LPP: variants seen among roughly 807,000 people sequenced by gnomAD.
LPP encodes the protein LIM domain containing preferred translocation partner in lipoma.
A neutral mutation model predicts 60.4 loss-of-function variants in LPP; 38 were observed. The observed-to-expected ratio is 0.63, with a 90% CI of 0.49 to 0.83. The LOEUF is 0.83. Among genes scored for constraint, LPP ranks in the 40% least tolerant of loss-of-function variants. The pLI is 0.00. For missense variants in LPP, 902 were observed against 783.6 expected (o/e 1.15, Z -1.80); for synonymous variants, 328 against 290.8 (o/e 1.13, Z -1.30).
intron 1 of LPP, among the ~76,000 whole-genome samples, chr3:188,172,903 C>G (rs1269859819): frequency 6.6e-6 from 1 of 152,154 alleles, no homozygotes; most frequent in Non-Finnish European, 1.5e-5. Context: ...CTTGCTCTGT[C>G]CCCTAGGCTG....
chr3:188,483,541 A>T (rs1261023978), intron 4 of LPP, among the ~76,000 whole-genome samples: 7 of 152,240 alleles, frequency 4.6e-5, no homozygotes, highest in Non-Finnish European at 4.4e-5. Context: ...ACAGGTTAAA[A>T]GGTAGAAGTT....
At chr3:188,867,320 ATATT>A (rs1230960744) in intron 10 of LPP, among the ~76,000 whole-genome samples, 5 of 148,002 alleles carry the variant, frequency 3.4e-5, no homozygotes, top group African/African-American at 7.4e-5. Context: ...ATATATAAAT[ATATT>A]TATTTATATA....
rs139635020 is a variant in LPP, at chr3:188,474,140, A to G, written c.194-10452A>G. Among the ~76,000 whole-genome samples the G allele has an allele frequency of 3.6e-3, 551 of 152,340 alleles. 1 individual carries two copies. The highest frequency in any genetic ancestry group is 4.3e-3 in the Non-Finnish European group (292 of 68,026). On this transcript the variant is annotated intron_variant, in intron 4 of 11. Coordinates refer to ENST00000617246, the MANE Select transcript of LPP (RefSeq NM_001375462.1). ...TTCATTGTCTCAAGAGTTCTATTCA[A>G]TTTAATATAGGTAGTTTTGTACCAA...
chr3:188,339,411 A>C (rs1490885447), intron 2 of LPP, among the ~76,000 whole-genome samples: 1 of 152,200 alleles, frequency 6.6e-6, no homozygotes, highest in Non-Finnish European at 1.5e-5. Flanking sequence ...AAGGATTTGT[A>C]TTAGTCCATT....
chr3:188,243,197 A>T (rs73059633), intron 2 of LPP, among the ~76,000 whole-genome samples: 2,587 of 152,302 alleles, frequency 0.017, 68 homozygotes, highest in African/African-American at 0.056. Flanking sequence ...TATTTTTACA[A>T]CAACTCTAGA....
chr3:188,807,299 G>C lies in LPP; in HGVS notation c.1410+47017G>C, dbSNP rs530653425. Among the ~76,000 whole-genome samples, 12 of 151,896 alleles carry C rather than the reference G, an allele frequency of 7.9e-5. No individual in the cohort carries two copies. The East Asian group carries it at 2.3e-3, about 30-fold the overall frequency. On this transcript the variant is annotated intron_variant, in intron 9 of 11. Transcript: ENST00000617246. ...CTCTTTTCTAACAGCTTGAAGCTAT[G>C]TTTATTAGGGTTTTTAGTTTTAGTT...
At chr3:188,410,353 A>G (rs1436004252) in intron 4 of LPP, among the ~76,000 whole-genome samples, 1 of 152,174 alleles carries the variant, frequency 6.6e-6, no homozygotes, top group Admixed American at 6.5e-5. Context: ...CCTTGGTGTT[A>G]CGTCTGTAAT....
At chr3:188,623,454 C>T (rs183846945) in intron 7 of LPP, among the ~76,000 whole-genome samples, 2 of 152,164 alleles carry the variant, frequency 1.3e-5, no homozygotes, top group African/African-American at 4.8e-5. Flanking sequence ...GACAGGGTTT[C>T]ACTATGTTGG....
chr3:188,473,777 G>A (rs1312610833), intron 4 of LPP, among the ~76,000 whole-genome samples: 1 of 152,048 alleles, frequency 6.6e-6, no homozygotes, highest in Non-Finnish European at 1.5e-5. Flanking sequence ...TACTCTTAAG[G>A]GATATACATA....
At chr3:188,284,987 A>G (rs1743431389) in intron 2 of LPP, among the ~76,000 whole-genome samples, 1 of 152,038 alleles carries the variant, frequency 6.6e-6, no homozygotes, top group South Asian at 2.1e-4. Flanking sequence ...GAAAAATGGT[A>G]GCACTGGCAA....
intron 3 of LPP, among the ~76,000 whole-genome samples, chr3:188,377,320 C>G (rs1195147759): frequency 1.3e-5 from 2 of 152,196 alleles, no homozygotes; most frequent in Admixed American, 6.5e-5. Context: ...TGGTTTCATT[C>G]TCCCCGTCAC....
chr3:188,524,589 T>C, intron 5 of LPP, 76 bp from the exon 6 acceptor site: 3 of 1,476,322 alleles, frequency 2.0e-6, no homozygotes, highest in East Asian at 2.4e-5. Context: ...AGCCACATTA[T>C]AACTTGAGAA....
chr3:188,571,328 T>C (rs1024283685), intron 6 of LPP, among the ~76,000 whole-genome samples: 1 of 152,062 alleles, frequency 6.6e-6, no homozygotes, highest in Non-Finnish European at 1.5e-5. Context: ...CTAGTAGGTA[T>C]AGATAGATGT....
intron 9 of LPP, among the ~76,000 whole-genome samples, chr3:188,781,147 T>C (rs1560195425): frequency 6.6e-6 from 1 of 152,226 alleles, no homozygotes; most frequent in Non-Finnish European, 1.5e-5. Flanking sequence ...ATAGTATTTA[T>C]AGGGGTTTTG....
At chr3:188,271,583 G>A (rs950033702) in intron 2 of LPP, among the ~76,000 whole-genome samples, 5 of 152,240 alleles carry the variant, frequency 3.3e-5, no homozygotes, top group African/African-American at 1.2e-4. Context: ...GGTGGACTAC[G>A]GTCACTTTCA....
At chr3:188,760,439 T>TGTGTGTGTGTGTGTGC (rs55988915) in intron 9 of LPP, among the ~76,000 whole-genome samples, 157 bp downstream of exon 9, 45 of 150,036 alleles carry the variant, frequency 3.0e-4, no homozygotes, top group African/African-American at 7.2e-4. Context: ...TGTGTGTGCG[T>TGTGTGTGTGTGTGTGC]GCGCGCATGT....
chr3:188,820,822 CA>C (rs1440682394), intron 9 of LPP, among the ~76,000 whole-genome samples: 1 of 152,108 alleles, frequency 6.6e-6, no homozygotes, highest in Non-Finnish European at 1.5e-5. Flanking sequence ...AATGTTTTCA[CA>C]AAATCAGCAT....
chr3:188,382,662 C>T (rs762675547), intron 3 of LPP, among the ~76,000 whole-genome samples: 1 of 152,180 alleles, frequency 6.6e-6, no homozygotes, highest in Non-Finnish European at 1.5e-5. Flanking sequence ...CTCCTTCATA[C>T]CTAAGACAGT....
At chr3:188,859,577 G>A (rs1245769906) in intron 9 of LPP, among the ~76,000 whole-genome samples, 1 of 152,180 alleles carries the variant, frequency 6.6e-6, no homozygotes, top group Non-Finnish European at 1.5e-5. Context: ...GTACCTGCCA[G>A]GCTGTTGAAC....
Sources: allele counts gnomAD v4.1 joint callset (sites outside exome capture counted in the v4.1 genomes callset), GRCh38; gene constraint gnomAD v4.1.1; transcripts MANE v1.5; gene names NCBI Gene and HGNC (gene_info 2026-07-23, HGNC 2026-07-21).